The following ASCC1 variants were observed in gnomAD, a reference collection of about 807,000 sequenced individuals.
ASCC1 encodes activating signal cointegrator 1 complex subunit 1.
In ASCC1, 35 loss-of-function variants were observed where a neutral mutation model predicts 46.6. That is an observed-to-expected ratio of 0.75 (90% CI 0.57 to 0.99). The LOEUF is 0.99. Ranked by LOEUF, ASCC1 falls within the 50% of genes least tolerant of loss-of-function variation. The pLI is 0.00. For missense variants in ASCC1, 376 were observed against 428.7 expected (o/e 0.88, Z 1.09); for synonymous variants, 143 against 146.6 (o/e 0.98, Z 0.18).
At chr10:72,118,907 C>T (rs993277135) in intron 9 of ASCC1, among the ~76,000 whole-genome samples, 1 of 152,148 alleles carries the variant, frequency 6.6e-6, no homozygotes, top group African/African-American at 2.4e-5. Flanking sequence ...GCATTAAGGA[C>T]TTCGGAAGTC....
At chr10:72,165,914 T>C (rs1258449856) in intron 5 of ASCC1, among the ~76,000 whole-genome samples, 2 of 152,170 alleles carry the variant, frequency 1.3e-5, no homozygotes, top group Non-Finnish European at 2.9e-5. Flanking sequence ...ACGGTAATAT[T>C]TGTTGGGCCC....
chr10:72,206,722 A>G (rs999131779), intron 3 of ASCC1, among the ~76,000 whole-genome samples: 3 of 152,140 alleles, frequency 2.0e-5, no homozygotes, highest in African/African-American at 7.2e-5. Flanking sequence ...TCCTTTATCT[A>G]TGAGGAACAT....
intron 7 of ASCC1, among the ~76,000 whole-genome samples, chr10:72,145,096 GA>G (rs963733128): frequency 2.0e-5 from 3 of 152,120 alleles, no homozygotes; most frequent in Non-Finnish European, 2.9e-5. Flanking sequence ...TTAACATTCA[GA>G]AAATATCATT....
chr10:72,148,334 T>C (rs1237896933), intron 7 of ASCC1, among the ~76,000 whole-genome samples: 1 of 152,194 alleles, frequency 6.6e-6, no homozygotes, highest in Non-Finnish European at 1.5e-5. Flanking sequence ...TGGGTCCATA[T>C]ACCTAAGTAG....
At chr10:72,193,972 C>A (rs1854962459) in intron 5 of ASCC1, among the ~76,000 whole-genome samples, 1 of 151,294 alleles carries the variant, frequency 6.6e-6, no homozygotes, top group South Asian at 2.1e-4. Flanking sequence ...GTAACTGGGG[C>A]TACAGGTGCC....
At chr10:72,098,913 T>G (rs1330575997) in intron 9 of ASCC1, among the ~76,000 whole-genome samples, 1 of 152,234 alleles carries the variant, frequency 6.6e-6, no homozygotes, top group Non-Finnish European at 1.5e-5. Flanking sequence ...AAATTCAGCC[T>G]GAAATGGTTA....
intron 7 of ASCC1, among the ~76,000 whole-genome samples, chr10:72,138,600 C>CTTTTTTTTTTTTTTTTTTTTTTT (rs1011535460): frequency 9.6e-6 from 1 of 104,542 alleles, no homozygotes; most frequent in Non-Finnish European, 1.8e-5. Flanking sequence ...TTCTTTCTTT[C>CTTTTTTTTTTTTTTTTTTTTTTT]TTTTTTTTTT....
At chr10:72,152,720 T>C (rs1848508333) in intron 7 of ASCC1, 149 bp downstream of exon 7, 2 of 996,368 alleles carry the variant, frequency 2.0e-6, no homozygotes, top group Non-Finnish European at 2.9e-6. Context: ...TTTCAAGAGA[T>C]TAACTTACTA....
rs577331848 is a variant in ASCC1, at chr10:72,164,521, G to T, written c.490-2847C>A. On this transcript the variant is annotated intron_variant, in intron 5 of 9. Coordinates refer to ENST00000672957, the MANE Select transcript of ASCC1 (RefSeq NM_001198800.3). The stretch of plus-strand genomic sequence containing the variant: ...TTAGTGTATGTATGTATCAAAATGT[G>T]TTTATTAATTCATCTATTGAAGATT... 2.5e-4 allele frequency among the ~76,000 whole-genome samples: 38 copies of T among 152,260 alleles called. No homozygotes were observed. The South Asian group carries it at 7.0e-3, about 28-fold the overall frequency.
At chr10:72,155,209 G>A (rs1281881689) in intron 6 of ASCC1, among the ~76,000 whole-genome samples, 2 of 152,158 alleles carry the variant, frequency 1.3e-5, no homozygotes, top group African/African-American at 2.4e-5. Context: ...CAGTGGTAGA[G>A]AAACTGCACT....
intron 5 of ASCC1, among the ~76,000 whole-genome samples, chr10:72,193,703 T>G (rs1854911178): frequency 6.6e-6 from 1 of 152,104 alleles, no homozygotes; most frequent in Non-Finnish European, 1.5e-5. Context: ...ATGTTGAAGA[T>G]AAAATTGAAA....
At chr10:72,202,958 C>T (rs1044398053) in intron 4 of ASCC1, among the ~76,000 whole-genome samples, 1 of 152,012 alleles carries the variant, frequency 6.6e-6, no homozygotes, top group African/African-American at 2.4e-5. Flanking sequence ...TCCATCTTTC[C>T]TCATTTGGGA....
chr10:72,171,928 A>G (rs1851142306), intron 5 of ASCC1, among the ~76,000 whole-genome samples: 1 of 152,148 alleles, frequency 6.6e-6, no homozygotes. Flanking sequence ...AAAGAAAACT[A>G]AGGATGTGAT....
At chr10:72,172,899 TTA>T (rs1204028226) in intron 5 of ASCC1, among the ~76,000 whole-genome samples, 1,511 of 135,332 alleles carry the variant, frequency 0.011, 8 homozygotes, top group Non-Finnish European at 0.019. Flanking sequence ...ATTATATATA[TTA>T]TATATTATAT....
chr10:72,177,921 A>C (rs1428413244), intron 5 of ASCC1, among the ~76,000 whole-genome samples: 3 of 152,236 alleles, frequency 2.0e-5, no homozygotes, highest in African/African-American at 7.2e-5. Flanking sequence ...TAGGGAACTG[A>C]AGCACAGGGA....
chr10:72,145,633 C>T lies in ASCC1; in HGVS notation c.746+7236G>A, dbSNP rs191844620. ...TGGTAAGTGTTATTAAATCTCTTCC[C>T]TAAATTGCCATAATAGTTTCCCTCT... On this transcript the variant is annotated intron_variant, in intron 7 of 9. Transcript: ENST00000672957. Among the ~76,000 whole-genome samples the T allele has an allele frequency of 9.8e-5, 15 of 152,292 alleles. No homozygotes were observed. In the East Asian group the frequency reaches 2.3e-3, roughly 24 times the overall value.
At chr10:72,206,217 C>A (rs1857192586) in intron 3 of ASCC1, among the ~76,000 whole-genome samples, 1 of 151,646 alleles carries the variant, frequency 6.6e-6, no homozygotes, top group East Asian at 1.9e-4. Context: ...CCAGCCTAAC[C>A]AACATGGAGA....
chr10:72,190,123 A>G (rs1854192446), intron 5 of ASCC1: 3 of 760,662 alleles, frequency 3.9e-6, no homozygotes, highest in East Asian at 2.4e-5. Context: ...GTTACATTAT[A>G]TATAGGATTC....
At chr10:72,129,119 A>G (rs1408356266) in intron 8 of ASCC1, among the ~76,000 whole-genome samples, 1 of 152,252 alleles carries the variant, frequency 6.6e-6, no homozygotes. Flanking sequence ...CATTTCAGCT[A>G]GCCCACTGGA....
Sources: allele counts gnomAD v4.1 joint callset (sites outside exome capture counted in the v4.1 genomes callset), GRCh38; gene constraint gnomAD v4.1.1; transcripts MANE v1.5; gene names NCBI Gene and HGNC (gene_info 2026-07-23, HGNC 2026-07-21).